TG: variants seen among roughly 807,000 people sequenced by gnomAD.
TG encodes the protein thyroid hormones.
In TG, 270 loss-of-function variants were observed where a neutral mutation model predicts 324.7. The ratio of observed to expected loss-of-function variants is 0.83; its 90% CI spans 0.75 to 0.92. The LOEUF (loss-of-function observed/expected upper bound fraction) is 0.92, where lower values mean the gene tolerates loss of function less well. TG is among the 40% of genes least tolerant of loss of function. The probability of loss-of-function intolerance (pLI) is 0.00; values close to 1 mark genes in which losing one functional copy is unlikely to be tolerated. For missense variants in TG, 3,591 were observed against 3,456.4 expected, an observed-to-expected ratio of 1.04 and a Z score of -0.98; for synonymous variants, 1,401 against 1,327.0, an observed-to-expected ratio of 1.06 and a Z score of -1.21.
intron 35 of TG, chr8:133,002,452 A>G (rs902344554): frequency 4.1e-6 from 4 of 972,168 alleles, no homozygotes; most frequent in Non-Finnish European, 3.7e-6. Context: ...CAAGAAATAC[A>G]TTAAATCTGA....
intron 41 of TG, among the ~76,000 whole-genome samples, chr8:133,061,034 C>T (rs556604174): frequency 7.2e-5 from 11 of 152,288 alleles, no homozygotes; most frequent in African/African-American, 2.2e-4. Flanking sequence ...TTTTTTGAGA[C>T]GCAGTCTCAC....
intron 18 of TG, among the ~76,000 whole-genome samples, chr8:132,908,576 G>A (rs935462448): frequency 6.6e-6 from 1 of 152,042 alleles, no homozygotes; most frequent in African/African-American, 2.4e-5. Context: ...CAATGTTAGT[G>A]CTTGTTCAAG....
chr8:133,024,561 C>G (rs1390877460), intron 40 of TG, among the ~76,000 whole-genome samples: 1 of 150,656 alleles, frequency 6.6e-6, no homozygotes, highest in Non-Finnish European at 1.5e-5. Flanking sequence ...CCTCCCCTTG[C>G]CCCCCGCCCC....
chr8:133,072,368 T>G (rs1844190034), intron 41 of TG, among the ~76,000 whole-genome samples: 1 of 152,082 alleles, frequency 6.6e-6, no homozygotes, highest in African/African-American at 2.4e-5. Context: ...GTAGGGAGAT[T>G]GAGAGAGGGA....
chr8:132,972,652 A>G lies in TG; in HGVS notation c.6110A>G (p.Glu2037Gly). ...LNSLGIQMCS[E>G]ENGGAWRILD... ...AGCTTGGGAATTCAGATGTGCAGTG[A>G]GGAGAATGGAGGAGCCTGGCGCATT... The change falls in exon 34 of 48, where the codon GAG becomes GGG. Residue 2037 changes from glutamate (E) to glycine (G), a missense_variant. Glu to Gly is a moderately conservative substitution (Grantham distance 98). Transcript: ENST00000220616. 3 of 1,607,420 alleles carry G rather than the reference A, an allele frequency of 1.9e-6. No individual in the cohort carries two copies. The highest frequency in any genetic ancestry group is 2.5e-6 in the Non-Finnish European group (3 of 1,177,980).
intron 16 of TG, among the ~76,000 whole-genome samples, chr8:132,903,802 G>A (rs1275416644): frequency 2.0e-5 from 3 of 152,130 alleles, no homozygotes; most frequent in African/African-American, 7.2e-5. Flanking sequence ...GGTGACCTTG[G>A]GCTGGTCCCC....
intron 41 of TG, among the ~76,000 whole-genome samples, chr8:133,061,552 C>T (rs1008348763): frequency 6.6e-6 from 1 of 152,186 alleles, no homozygotes; most frequent in Non-Finnish European, 1.5e-5. Context: ...AGGGAAGCCA[C>T]GTTCCCTCTG....
At chr8:133,058,547 C>T (rs976224526) in intron 41 of TG, among the ~76,000 whole-genome samples, 3 of 152,214 alleles carry the variant, frequency 2.0e-5, no homozygotes, top group Non-Finnish European at 2.9e-5. Flanking sequence ...AAGATGGGTT[C>T]GGTGGGTGGG....
chr8:133,027,243 G>T (rs1047320411), intron 40 of TG, among the ~76,000 whole-genome samples: 1 of 152,222 alleles, frequency 6.6e-6, no homozygotes, highest in African/African-American at 2.4e-5. Flanking sequence ...GTGAATGCTT[G>T]CTGGGTGCTC....
rs1054337858 is a variant in TG, at chr8:133,113,353, G to T, written c.7573-69G>T. On this transcript the variant is annotated intron_variant, in intron 43 of 47. Transcript: ENST00000220616. ...CCAGAGAGAAAATTCTAGAGCAAGG[G>T]TTTGAGGGACACTGACTTGGACCTT... 3.8e-6 allele frequency: 6 copies of T among 1,581,702 alleles called. No homozygotes were observed. In the African/African-American group the frequency reaches 8.1e-5, roughly 21 times the overall value.
intron 41 of TG, chr8:133,045,141 T>C: frequency 6.2e-7 from 1 of 1,613,334 alleles, no homozygotes; most frequent in Non-Finnish European, 8.5e-7. Context: ...GATAAGTCAG[T>C]GGGCTCCACC....
chr8:132,873,241 GC>G lies in TG; in HGVS notation c.638+22del. The G allele has an allele frequency of 1.2e-6, 2 of 1,613,652 alleles. No individual in the cohort carries two copies. Among genetic ancestry groups the G allele is most frequent in the Non-Finnish European group, 1.7e-6 (2 of 1,179,826 alleles). ...CAACAGGTAAGGGGAGCAGGGGTGT[GC>G]CAGTCACTGGGCCATCACCTGACGC... On this transcript the variant is annotated intron_variant, in intron 5 of 47. Coordinates refer to ENST00000220616, the MANE Select transcript of TG (RefSeq NM_003235.5).
At chr8:133,126,431 A>G (rs528120252) in intron 45 of TG, among the ~76,000 whole-genome samples, 3 of 152,326 alleles carry the variant, frequency 2.0e-5, no homozygotes, top group Admixed American at 2.0e-4. Flanking sequence ...GACAGCCGTT[A>G]TCATACTTTA....
In TG at chr8:133,133,583, T is replaced by A. The variant is rs777256258; in HGVS notation, c.8111T>A (p.Leu2704His). 7 of 1,614,188 alleles carry A rather than the reference T, an allele frequency of 4.3e-6. No individual in the cohort carries two copies. The highest frequency in any genetic ancestry group is 5.9e-6 in the Non-Finnish European group (7 of 1,180,030). The change falls in exon 47 of 48, where the codon CTC (leucine) becomes CAC (histidine). Residue 2704 changes from leucine to histidine, a missense_variant. Leu to His is a moderately conservative substitution (Grantham distance 99, BLOSUM62 -3). Transcript: ENST00000220616. ...AACTACAAGGAGTTCAGTGAGCTGCTCCCCAATCGACAGGGCCTGAAGAAA... is the reference window on the plus strand; with the variant it reads ...AACTACAAGGAGTTCAGTGAGCTGCACCCCAATCGACAGGGCCTGAAGAAA... ...GENYKEFSEL[L>H]PNRQGLKKAD...
In TG at chr8:132,871,446, G is replaced by T; in HGVS notation, c.373G>T (p.Asp125Tyr). The T allele has an allele frequency of 6.2e-7, 1 of 1,614,192 alleles. No individual in the cohort carries two copies. Among genetic ancestry groups the T allele is most frequent in the Non-Finnish European group, 8.5e-7 (1 of 1,180,022 alleles). ...SYLPQCQDSGDYAPVQCDVQQ... is the reference protein window; with the variant it reads ...SYLPQCQDSGYYAPVQCDVQQ... Reference sequence around the variant, plus strand: ...CCTCCCTCAGTGTCAGGATTCAGGGGACTACGCGCCTGTTCAGTGTGATGT... The same window carrying T: ...CCTCCCTCAGTGTCAGGATTCAGGGTACTACGCGCCTGTTCAGTGTGATGT... Residue 125 changes from aspartate to tyrosine, a missense_variant, in exon 4 of 48, where the codon GAC becomes TAC. Asp to Tyr is a radical substitution (Grantham distance 160). Transcript: ENST00000220616.
intron 20 of TG, among the ~76,000 whole-genome samples, chr8:132,916,893 C>T (rs79568178): frequency 0.079 from 10,728 of 135,542 alleles, 456 homozygotes; most frequent in South Asian, 0.15. Flanking sequence ...TCTAATAGAG[C>T]TGGTTCCCTA....
At chr8:133,096,175 G>C (rs767266998) in intron 42 of TG, 31 bp from the exon 43 acceptor site, 1 of 1,613,832 alleles carries the variant, frequency 6.2e-7, no homozygotes, top group Non-Finnish European at 8.5e-7. Context: ...GATTATTCCA[G>C]GACAACTGAT....
chr8:133,064,506 G>C (rs1842802853), intron 41 of TG, among the ~76,000 whole-genome samples: 1 of 152,182 alleles, frequency 6.6e-6, no homozygotes, highest in African/African-American at 2.4e-5. Context: ...CACTGTCCTG[G>C]AGCTGGAAAC....
chr8:132,905,859 AT>A (rs1375257823), intron 16 of TG, among the ~76,000 whole-genome samples: 14 of 152,328 alleles, frequency 9.2e-5, no homozygotes, highest in African/African-American at 3.1e-4. Flanking sequence ...TGTTGAGTTG[AT>A]ATTTGAGGGT....
Sources: gnomAD v4.1 joint callset for allele counts (sites outside exome capture counted in the v4.1 genomes callset) on GRCh38, gnomAD v4.1.1 for gene constraint, MANE v1.5 for transcripts, NCBI Gene and HGNC (gene_info 2026-07-23, HGNC 2026-07-21) for gene names.